The following ADGRL2 variants were observed in gnomAD, a reference collection of about 807,000 sequenced individuals.
ADGRL2 encodes the protein calcium-independent alpha-latrotoxin receptor 2.
A neutral mutation model predicts 157.4 loss-of-function variants in ADGRL2; 44 were observed. That is an observed-to-expected ratio of 0.28 (90% CI 0.22 to 0.36). ADGRL2 has a LOEUF of 0.36. Among genes scored for constraint, ADGRL2 ranks in the 10% least tolerant of loss-of-function variants. ADGRL2 has a pLI of 1.00. For synonymous variants in ADGRL2, 585 were observed against 624.7 expected, an observed-to-expected ratio of 0.94 and a Z score of 0.95; for missense variants, 1,510 against 1,768.9, an observed-to-expected ratio of 0.85 and a Z score of 2.63.
intron 2 of ADGRL2, among the ~76,000 whole-genome samples, chr1:81,501,279 G>T (rs1258922382): frequency 6.6e-6 from 1 of 152,130 alleles, no homozygotes; most frequent in African/African-American, 2.4e-5. Flanking sequence ...CATTTTTATG[G>T]GTTTTACCAA....
chr1:81,982,727 GTGT>G (rs1300876033), intron 19 of ADGRL2, among the ~76,000 whole-genome samples: 2 of 151,958 alleles, frequency 1.3e-5, no homozygotes, highest in Non-Finnish European at 2.9e-5. Flanking sequence ...CAAGACGATA[GTGT>G]TGTTACTTCC....
intron 2 of ADGRL2, among the ~76,000 whole-genome samples, chr1:81,779,315 C>G (rs966868613): frequency 6.6e-6 from 1 of 152,130 alleles, no homozygotes; most frequent in South Asian, 2.1e-4. Context: ...TCAGGGTCCT[C>G]TCTGAAGTGG....
intron 12 of ADGRL2, 96 bp downstream of exon 12, chr1:81,966,279 C>T (rs1657017772): frequency 1.2e-5 from 18 of 1,543,270 alleles, no homozygotes; most frequent in South Asian, 3.5e-5. Flanking sequence ...AACAAAAAAA[C>T]GGCTTACCAT....
At chr1:81,532,942 TTCTATCTATCTA>T (rs10554439) in intron 2 of ADGRL2, among the ~76,000 whole-genome samples, 2,435 of 150,230 alleles carry the variant, frequency 0.016, 69 homozygotes, top group African/African-American at 0.056. Context: ...CAACAAAAAA[TTCTATCTATCTA>T]TCTATCTATC....
intron 1 of ADGRL2, among the ~76,000 whole-genome samples, chr1:81,339,641 T>C (rs887146267): frequency 6.6e-6 from 1 of 152,160 alleles, no homozygotes; most frequent in Admixed American, 6.6e-5. Flanking sequence ...TTTTATGTTG[T>C]TTCCCAGGAC....
At chr1:81,408,623 A>G (rs915899721) in intron 1 of ADGRL2, among the ~76,000 whole-genome samples, 1 of 152,246 alleles carries the variant, frequency 6.6e-6, no homozygotes, top group Non-Finnish European at 1.5e-5. Context: ...TTTGCTGCTG[A>G]AAGACCCTTG....
chr1:81,724,485 T>C (rs2149141539), intron 1 of ADGRL2, among the ~76,000 whole-genome samples: 1 of 152,312 alleles, frequency 6.6e-6, no homozygotes, highest in South Asian at 2.1e-4. Context: ...CCATTGTCTT[T>C]GTATTCAGCT....
At chr1:81,938,279 A>G (rs1277802838) in intron 4 of ADGRL2, among the ~76,000 whole-genome samples, 1 of 151,732 alleles carries the variant, frequency 6.6e-6, no homozygotes, top group Non-Finnish European at 1.5e-5. Context: ...CTGTCTTCAA[A>G]TTAGAGAAGA....
At chr1:81,743,982 C>G (rs955377105) in intron 1 of ADGRL2, among the ~76,000 whole-genome samples, 1 of 152,060 alleles carries the variant, frequency 6.6e-6, no homozygotes, top group African/African-American at 2.4e-5. Context: ...ATAGATGTAG[C>G]TGATGATCAA....
At chr1:81,400,307 C>T (rs140278137) in intron 1 of ADGRL2, among the ~76,000 whole-genome samples, 6 of 152,142 alleles carry the variant, frequency 3.9e-5, no homozygotes, top group African/African-American at 9.6e-5. Context: ...GACTCAGAGT[C>T]TGTGAACCTA....
chr1:81,759,239 G>A (rs1477745490), intron 1 of ADGRL2, among the ~76,000 whole-genome samples: 2 of 152,054 alleles, frequency 1.3e-5, no homozygotes, highest in Non-Finnish European at 2.9e-5. Flanking sequence ...GCCTCTTAAT[G>A]AAAATATTAC....
intron 1 of ADGRL2, among the ~76,000 whole-genome samples, chr1:81,415,886 G>T (rs1248504898): frequency 1.3e-5 from 2 of 149,328 alleles, no homozygotes; most frequent in African/African-American, 5.0e-5. Context: ...TGTCGCCCAG[G>T]CTGGAGTACA....
At chr1:81,478,794 A>G (rs5021120) in intron 2 of ADGRL2, among the ~76,000 whole-genome samples, 5,286 of 151,998 alleles carry the variant, frequency 0.035, 296 homozygotes, top group African/African-American at 0.12. Flanking sequence ...CTTGTTGATC[A>G]GTGTAAGTTA....
At chr1:81,513,157 AAGAC>A (rs1165115062) in intron 2 of ADGRL2, among the ~76,000 whole-genome samples, 1 of 152,194 alleles carries the variant, frequency 6.6e-6, no homozygotes, top group Non-Finnish European at 1.5e-5. Flanking sequence ...TGGTTTCAGA[AAGAC>A]AGAGAGAGAT....
In ADGRL2 at chr1:81,441,728, C is replaced by T. The variant is rs562922707; in HGVS notation, c.-301-3308C>T. ...AATTTTCTTGTATTTTTAGTAGAGACGGGGTTTCACTATGTTGGCCAGGCT... is the reference window on the plus strand; with the variant it reads ...AATTTTCTTGTATTTTTAGTAGAGATGGGGTTTCACTATGTTGGCCAGGCT... On this transcript the variant is annotated intron_variant, in intron 1 of 24. Coordinates refer to the ADGRL2 transcript ENST00000370721. Among the ~76,000 whole-genome samples the T allele has an allele frequency of 1.4e-4, 22 of 152,178 alleles. 1 individual carries two copies. In the South Asian group the frequency reaches 4.2e-3, roughly 29 times the overall value.
chr1:81,971,305 C>CT (rs1331144722), intron 16 of ADGRL2, among the ~76,000 whole-genome samples: 3 of 152,096 alleles, frequency 2.0e-5, no homozygotes, highest in African/African-American at 7.2e-5. Flanking sequence ...ATCATTTACT[C>CT]TAATACTGTG....
intron 1 of ADGRL2, among the ~76,000 whole-genome samples, chr1:81,355,181 A>G (rs1570706023): frequency 6.6e-6 from 1 of 151,750 alleles, no homozygotes; most frequent in Non-Finnish European, 1.5e-5. Context: ...TGAAACCCCA[A>G]CTCTACTAAA....
intron 2 of ADGRL2, among the ~76,000 whole-genome samples, chr1:81,446,936 T>C (rs2101711698): frequency 1.3e-5 from 2 of 152,208 alleles, no homozygotes; most frequent in South Asian, 2.1e-4. Flanking sequence ...ATGTGGAAAA[T>C]GGCATGTTAA....
intron 2 of ADGRL2, among the ~76,000 whole-genome samples, chr1:81,458,836 G>A (rs2077861917): frequency 6.6e-6 from 1 of 152,192 alleles, no homozygotes; most frequent in Non-Finnish European, 1.5e-5. Flanking sequence ...CCTGACTGCA[G>A]CTCAGTGAAC....
Sources: allele counts gnomAD v4.1 joint callset (sites outside exome capture counted in the v4.1 genomes callset), GRCh38; gene constraint gnomAD v4.1.1; transcripts MANE v1.5; gene names NCBI Gene and HGNC (gene_info 2026-07-23, HGNC 2026-07-21).